Variants in GPR89B observed in about 807,000 individuals in gnomAD.
GPR89B encodes the protein G protein-coupled receptor 89B.
GPR89B carries 25 observed loss-of-function variants against 52.4 expected under a neutral mutation model. The observed-to-expected ratio is 0.48, with a 90% CI of 0.35 to 0.67. The LOEUF (loss-of-function observed/expected upper bound fraction) is 0.67. Ranked by LOEUF, GPR89B falls within the 30% of genes least tolerant of loss-of-function variation. The pLI, the probability that GPR89B is intolerant of heterozygous loss-of-function variation, is 0.01. For synonymous variants in GPR89B, 52 were observed against 151.2 expected, an observed-to-expected ratio of 0.34 and a Z score of 4.81; for missense variants, 146 against 450.2, an observed-to-expected ratio of 0.32 and a Z score of 6.11.
intron 1 of GPR89B, among the ~76,000 whole-genome samples, chr1:147,933,869 A>G (rs1324494385): frequency 6.6e-6 from 1 of 152,112 alleles, no homozygotes; most frequent in Non-Finnish European, 1.5e-5. Context: ...ACCGCTCTAT[A>G]TAATATAAAA....
chr1:147,983,958 A>C (rs1369587914), intron 10 of GPR89B, among the ~76,000 whole-genome samples: 3 of 151,996 alleles, frequency 2.0e-5, no homozygotes, highest in African/African-American at 7.3e-5. Flanking sequence ...CTGGATTCAG[A>C]AAATGTGGCA....
At chr1:147,948,774 TTTTTAA>T (rs1202504307) in intron 5 of GPR89B, among the ~76,000 whole-genome samples, 2 of 151,304 alleles carry the variant, frequency 1.3e-5, no homozygotes, top group Non-Finnish European at 3.0e-5. Context: ...TTTTTTTTTT[TTTTTAA>T]TTGATCATTC....
At chr1:148,019,270 G>A in the GPR89B span, among the ~76,000 whole-genome samples, 81 of 151,202 alleles carry the variant, frequency 5.4e-4, 1 homozygote, top group African/African-American at 1.8e-3. Flanking sequence ...CCACCACACC[G>A]GGTCAAAAGC....
the GPR89B span, chr1:148,014,544 C>G: frequency 6.6e-6 from 1 of 151,584 alleles, no homozygotes; most frequent in East Asian, 1.9e-4. Context: ...CAGGGAGAAC[C>G]CCCTTCCTGA....
the GPR89B span, among the ~76,000 whole-genome samples, chr1:148,002,182 C>G: frequency 1.3e-5 from 2 of 152,074 alleles, no homozygotes; most frequent in Non-Finnish European, 2.9e-5. Context: ...CCCAAAGCCC[C>G]TCCTCTTGGT....
intron 5 of GPR89B, among the ~76,000 whole-genome samples, chr1:147,951,694 G>A (rs1655715103): frequency 6.6e-6 from 1 of 152,034 alleles, no homozygotes; most frequent in South Asian, 2.1e-4. Context: ...GTGACTTCTA[G>A]TTCCAAGATG....
intron 3 of GPR89B, among the ~76,000 whole-genome samples, chr1:147,941,281 A>T (rs1314706744): frequency 6.6e-6 from 1 of 152,250 alleles, no homozygotes; most frequent in Non-Finnish European, 1.5e-5. Flanking sequence ...GGCAGTCCAT[A>T]CTGCCAATTA....
chr1:147,939,639 A>G (rs1654376505), intron 3 of GPR89B, among the ~76,000 whole-genome samples: 1 of 152,110 alleles, frequency 6.6e-6, no homozygotes, highest in Non-Finnish European at 1.5e-5. Flanking sequence ...GTTGAAAACG[A>G]AATTTAAATT....
chr1:147,972,002 C>T (rs1657509358), intron 10 of GPR89B, among the ~76,000 whole-genome samples: 1 of 151,976 alleles, frequency 6.6e-6, no homozygotes, highest in Non-Finnish European at 1.5e-5. Context: ...CCCCAGACGA[C>T]TGCCAGTCTG....
the GPR89B span, among the ~76,000 whole-genome samples, chr1:148,000,805 A>C: frequency 6.6e-6 from 1 of 150,448 alleles, no homozygotes. Flanking sequence ...ACAACAACAA[A>C]AAAACCTTAA....
intron 10 of GPR89B, among the ~76,000 whole-genome samples, chr1:147,984,375 G>GT (rs1167793718): frequency 7.0e-6 from 1 of 143,624 alleles, no homozygotes; most frequent in Non-Finnish European, 1.5e-5. Flanking sequence ...ATCCTCATGG[G>GT]TGTGACAGTG....
At chr1:147,964,339 T>G (rs1342057829) in intron 7 of GPR89B, among the ~76,000 whole-genome samples, 1 of 151,982 alleles carries the variant, frequency 6.6e-6, no homozygotes, top group Non-Finnish European at 1.5e-5. Flanking sequence ...TTTTTTAGCT[T>G]CTTCTGTTGT....
At chr1:147,979,817 G>A (rs1246560964) in intron 10 of GPR89B, among the ~76,000 whole-genome samples, 1 of 152,000 alleles carries the variant, frequency 6.6e-6, no homozygotes, top group Non-Finnish European at 1.5e-5. Flanking sequence ...GTCTGAGCAT[G>A]TTGGCTCACA....
At chr1:147,980,602 CAGT>C (rs1658165833) in intron 10 of GPR89B, among the ~76,000 whole-genome samples, 1 of 144,936 alleles carries the variant, frequency 6.9e-6, no homozygotes, top group African/African-American at 2.6e-5. Context: ...GTGTATGATG[CAGT>C]AGTTCTTAAT....
At chr1:147,990,733 A>G (rs1659005135) in intron 12 of GPR89B, among the ~76,000 whole-genome samples, 1 of 151,550 alleles carries the variant, frequency 6.6e-6, no homozygotes, top group African/African-American at 2.4e-5. Context: ...TGTTTTTGTC[A>G]GGTTTGTCAA....
intron 10 of GPR89B, among the ~76,000 whole-genome samples, chr1:147,972,150 A>C (rs1657519222): frequency 1.3e-5 from 2 of 148,688 alleles, no homozygotes; most frequent in East Asian, 2.0e-4. Context: ...GATTTGTATC[A>C]GTAGTTTATT....
At chr1:147,975,031 G>A (rs1193365844) in intron 10 of GPR89B, among the ~76,000 whole-genome samples, 4 of 151,890 alleles carry the variant, frequency 2.6e-5, no homozygotes, top group South Asian at 4.2e-4. Flanking sequence ...TGACTTGATC[G>A]TGGTAGATGA....
intron 1 of GPR89B, 22 bp downstream of exon 1, chr1:147,928,600 C>T (rs1460262319): frequency 6.2e-7 from 1 of 1,613,724 alleles, no homozygotes. Flanking sequence ...CCTCCCGCCC[C>T]GACACCCGTC....
chr1:147,957,374 T>A (rs1656194980), intron 7 of GPR89B, among the ~76,000 whole-genome samples: 1 of 150,886 alleles, frequency 6.6e-6, no homozygotes, highest in African/African-American at 2.4e-5. Flanking sequence ...GAGTTAAGAC[T>A]TAGAAAAACA....
Sources: allele counts gnomAD v4.1 joint callset (sites outside exome capture counted in the v4.1 genomes callset), GRCh38; gene constraint gnomAD v4.1.1; transcripts MANE v1.5; gene names NCBI Gene and HGNC (gene_info 2026-07-23, HGNC 2026-07-21).